ANKH: variants seen among roughly 807,000 people sequenced by gnomAD.
ANKH encodes mineralization regulator ANKH.
Under a neutral mutation model 49.0 loss-of-function variants are expected in ANKH, and 15 were observed. The observed-to-expected ratio is 0.31, with a 90% confidence interval of 0.20 to 0.47. The LOEUF (loss-of-function observed/expected upper bound fraction) is 0.47. Among genes scored for constraint, ANKH ranks in the 20% least tolerant of loss-of-function variants. The pLI, the probability that ANKH is intolerant of heterozygous loss-of-function variation, is 1.00. For synonymous variants in ANKH, 273 were observed against 260.0 expected (o/e 1.05, Z -0.48); for missense variants, 429 against 652.0 (o/e 0.66, Z 3.72).
At chr5:14,822,310 T>G (rs1426739112) in intron 1 of ANKH, among the ~76,000 whole-genome samples, 1 of 152,204 alleles carries the variant, frequency 6.6e-6, no homozygotes, top group Non-Finnish European at 1.5e-5. Context: ...CACTAAAAAT[T>G]TCAACTATTT....
chr5:14,867,583 C>T (rs1735684327), intron 1 of ANKH, among the ~76,000 whole-genome samples: 2 of 151,294 alleles, frequency 1.3e-5, no homozygotes, highest in Non-Finnish European at 1.5e-5. Context: ...GACGGAGTCT[C>T]GCTCTGTCGC....
chr5:14,714,260 C>T (rs1230537868), intron 9 of ANKH, among the ~76,000 whole-genome samples: 1 of 152,226 alleles, frequency 6.6e-6, no homozygotes, highest in East Asian at 1.9e-4. Flanking sequence ...GCCATTTCAC[C>T]AAGGGCTGCA....
At chr5:14,793,658 C>T (rs1347271605) in intron 1 of ANKH, among the ~76,000 whole-genome samples, 1 of 152,216 alleles carries the variant, frequency 6.6e-6, no homozygotes, top group Admixed American at 6.5e-5. Context: ...GCTGTTCTCG[C>T]CTTCACTGCT....
chr5:14,792,209 C>T (rs972708710), intron 1 of ANKH, among the ~76,000 whole-genome samples: 14 of 152,040 alleles, frequency 9.2e-5, no homozygotes, highest in South Asian at 4.1e-4. Flanking sequence ...TGTCTAGAGT[C>T]GAGTCCCATT....
chr5:14,864,294 A>C (rs1007358351), intron 1 of ANKH, among the ~76,000 whole-genome samples: 1 of 152,222 alleles, frequency 6.6e-6, no homozygotes, highest in Non-Finnish European at 1.5e-5. Flanking sequence ...TGTATGATGG[A>C]TATGCTTGGA....
intron 1 of ANKH, chr5:14,797,242 G>A (rs1740418615): frequency 7.3e-6 from 10 of 1,372,904 alleles, no homozygotes; most frequent in Non-Finnish European, 8.3e-6. Context: ...ATCACTCAAG[G>A]TTCACTGGGA....
intron 6 of ANKH, among the ~76,000 whole-genome samples, 183 bp from the exon 7 acceptor site, chr5:14,746,145 G>T (rs1026724832): frequency 3.9e-5 from 6 of 152,104 alleles, no homozygotes; most frequent in African/African-American, 1.4e-4. Context: ...AGCAAATTGG[G>T]CTCCTAGGGG....
intron 6 of ANKH, among the ~76,000 whole-genome samples, chr5:14,746,487 G>A (rs1738548107): frequency 6.6e-6 from 1 of 152,112 alleles, no homozygotes; most frequent in Non-Finnish European, 1.5e-5. Context: ...TCTGCGTGGG[G>A]CCAGCTGATC....
chr5:14,837,995 G>A (rs1293007827), intron 1 of ANKH, among the ~76,000 whole-genome samples: 1 of 152,140 alleles, frequency 6.6e-6, no homozygotes, highest in Non-Finnish European at 1.5e-5. Context: ...CCATCATTCT[G>A]AGCAAACTAT....
chr5:14,716,863 G>T, intron 8 of ANKH, 28 bp from the exon 9 acceptor site: 1 of 1,612,536 alleles, frequency 6.2e-7, no homozygotes. Context: ...AAACAGGGTT[G>T]TGAGGAAAAA....
At chr5:14,819,930 CACACACACAT>C (rs1285353883) in intron 1 of ANKH, among the ~76,000 whole-genome samples, 3 of 142,620 alleles carry the variant, frequency 2.1e-5, no homozygotes, top group Admixed American at 7.1e-5. Context: ...CACACACACA[CACACACACAT>C]TAAGCCTAAT....
intron 1 of ANKH, among the ~76,000 whole-genome samples, chr5:14,830,810 C>A (rs1054866688): frequency 6.6e-6 from 1 of 152,054 alleles, no homozygotes; most frequent in Non-Finnish European, 1.5e-5. Context: ...ACCACTTTAC[C>A]CCCAACATCT....
chr5:14,743,906 A>C (rs938511285), intron 7 of ANKH, among the ~76,000 whole-genome samples: 1 of 152,200 alleles, frequency 6.6e-6, no homozygotes, highest in African/African-American at 2.4e-5. Flanking sequence ...GTATTGTTAA[A>C]TTTTATGATT....
Position 14,713,154 on chromosome 5 carries a change from C to T in ANKH, c.1266-181G>A, listed in dbSNP as rs896999104. ...TAATGTGTGAGGGGAACCAGGAACT[C>T]GGGGCTGGGCCACCTCCCTCCCACA... On this transcript the variant is annotated intron_variant, in intron 10 of 11. Transcript: ENST00000284268. This position sits in a 1 kb window ranked among gnomAD's most constrained non-coding sequence, Gnocchi z 4.4. 1.3e-5 allele frequency among the ~76,000 whole-genome samples: 2 copies of T among 152,164 alleles called. No homozygotes were observed. Among genetic ancestry groups the T allele is most frequent in the Non-Finnish European group, 2.9e-5 (2 of 68,024 alleles).
intron 1 of ANKH, among the ~76,000 whole-genome samples, chr5:14,842,794 G>A (rs1288656907): frequency 2.0e-5 from 3 of 152,116 alleles, no homozygotes; most frequent in Non-Finnish European, 4.4e-5. Context: ...GGGTGCTCAC[G>A]AGCCATGCAG....
At chr5:14,772,793 G>A (rs1165143673) in intron 1 of ANKH, among the ~76,000 whole-genome samples, 1 of 152,200 alleles carries the variant, frequency 6.6e-6, no homozygotes, top group East Asian at 1.9e-4. Flanking sequence ...ACCCATCCCC[G>A]GATGTTGGGA....
At chr5:14,724,440 A>G (rs1315210593) in intron 8 of ANKH, 4 of 506,928 alleles carry the variant, frequency 7.9e-6, no homozygotes, top group Non-Finnish European at 1.0e-5. Context: ...CTGTGTATCA[A>G]TGGGCTAAGT....
chr5:14,825,717 G>A (rs571359414), intron 1 of ANKH, among the ~76,000 whole-genome samples: 15 of 152,150 alleles, frequency 9.9e-5, no homozygotes, highest in Non-Finnish European at 1.6e-4. Context: ...AATTGATAAA[G>A]ATGGCAATGA....
intron 9 of ANKH, among the ~76,000 whole-genome samples, chr5:14,715,244 G>C (rs537496678): frequency 1.3e-5 from 2 of 152,322 alleles, no homozygotes; most frequent in South Asian, 4.1e-4. Flanking sequence ...CGATTCTCCT[G>C]CCTTAGCCTC....
Sources: allele counts gnomAD v4.1 joint callset (sites outside exome capture counted in the v4.1 genomes callset), GRCh38; gene constraint gnomAD v4.1.1; non-coding constraint Gnocchi (gnomAD v3.1); transcripts MANE v1.5; gene names NCBI Gene and HGNC (gene_info 2026-07-23, HGNC 2026-07-21).